The following PDE1C variants were observed in gnomAD, a reference collection of about 807,000 sequenced individuals.
The protein encoded by PDE1C is phosphodiesterase 1C.
A neutral mutation model predicts 93.1 loss-of-function variants in PDE1C; 62 were observed. That is an observed-to-expected ratio of 0.67 (90% CI 0.54 to 0.82). The LOEUF is 0.82. Ranked by LOEUF, PDE1C falls within the 40% of genes least tolerant of loss-of-function variation. The pLI is 0.00. For missense variants in PDE1C, 742 were observed against 884.6 expected (o/e 0.84, Z 2.04); for synonymous variants, 325 against 310.1 (o/e 1.05, Z -0.50).
At chr7:31,792,439 T>C in intron 16 of PDE1C, among the ~76,000 whole-genome samples, 1 of 152,068 alleles carries the variant, frequency 6.6e-6, no homozygotes, top group East Asian at 1.9e-4. Flanking sequence ...CCCTCCACCC[T>C]TTTTCTAATT....
At chr7:31,940,009 T>C (rs1019761985) in intron 2 of PDE1C, among the ~76,000 whole-genome samples, 5 of 152,140 alleles carry the variant, frequency 3.3e-5, no homozygotes, top group African/African-American at 1.2e-4. Flanking sequence ...TAGAGCAAAA[T>C]GTCAGATTAA....
intron 3 of PDE1C, among the ~76,000 whole-genome samples, chr7:32,147,984 T>TAAA (rs752433564): frequency 0.17 from 13,692 of 79,458 alleles, 1,840 homozygotes; most frequent in East Asian, 0.24. Flanking sequence ...CCATTTATGC[T>TAAA]AAAAAAAAAA....
intron 6 of PDE1C, among the ~76,000 whole-genome samples, chr7:31,872,458 A>T (rs763542419): frequency 6.6e-6 from 1 of 152,206 alleles, no homozygotes; most frequent in Non-Finnish European, 1.5e-5. Flanking sequence ...CTTGATCATT[A>T]CATAGTCTAT....
intron 2 of PDE1C, among the ~76,000 whole-genome samples, chr7:32,025,238 T>A (rs1021490962): frequency 2.0e-5 from 3 of 152,094 alleles, no homozygotes; most frequent in African/African-American, 7.2e-5. Context: ...CTTGTGTATA[T>A]AATTTACATT....
At position 31,800,957 on chromosome 7, in the gene PDE1C, A is replaced by G. The variant is rs186596845; in HGVS notation, c.1891+8074T>C. ...AGAAAGTATTTTGAGCTGAATGTGA[A>G]TGAAAATGCAGCATATCAGAGTTTG... On this transcript the variant is annotated intron_variant, in intron 16 of 17. Transcript: ENST00000396191. Among the ~76,000 whole-genome samples the G allele has an allele frequency of 5.8e-3, 881 of 151,342 alleles. 6 individuals carry two copies. The highest frequency in any genetic ancestry group is 0.02 in the African/African-American group (838 of 41,444).
chr7:32,105,672 G>A (rs1034592468), intron 3 of PDE1C, among the ~76,000 whole-genome samples: 3 of 151,376 alleles, frequency 2.0e-5, no homozygotes, highest in Admixed American at 6.6e-5. Flanking sequence ...CAAGCAGCTG[G>A]GACTACAGGG....
At chr7:32,229,932 GAGGCAGTGAGTGA>G (rs1392567479) in intron 1 of PDE1C, among the ~76,000 whole-genome samples, 1 of 152,216 alleles carries the variant, frequency 6.6e-6, no homozygotes, top group African/African-American at 2.4e-5. Context: ...ATTGTGAGTG[GAGGCAGTGAGTGA>G]AGGGTCACAA....
At chr7:31,641,941 C>T in the PDE1C span, among the ~76,000 whole-genome samples, 1 of 152,156 alleles carries the variant, frequency 6.6e-6, no homozygotes, top group Non-Finnish European at 1.5e-5. Flanking sequence ...ATTAGTTTCT[C>T]TTCCTTCGTT....
chr7:31,708,420 A>G, the PDE1C span: 64,808 of 152,132 alleles, frequency 0.43, 15,125 homozygotes, highest in East Asian at 0.68. Flanking sequence ...TGGAAAAGAT[A>G]CAAGAGCTTG....
At chr7:31,695,278 G>T in the PDE1C span, among the ~76,000 whole-genome samples, 2 of 152,062 alleles carry the variant, frequency 1.3e-5, no homozygotes, top group African/African-American at 2.4e-5. Flanking sequence ...TCTAGTTTTC[G>T]ATTTTGTTAT....
chr7:31,765,405 T>G (rs1022222287), intron 17 of PDE1C, among the ~76,000 whole-genome samples: 6 of 152,226 alleles, frequency 3.9e-5, no homozygotes, highest in Non-Finnish European at 7.3e-5. Context: ...ATGATTCTAG[T>G]TGTTTCAATG....
rs762643067 is a variant in PDE1C at position 31,939,838 on chromosome 7, A to C, written c.129-58978T>G. Reference sequence around the variant, plus strand: ...AATGAAGTCATCTAGAAAGATAAAGAATATTGGCAACTCCCAAAAAGCAGT... The same window carrying C: ...AATGAAGTCATCTAGAAAGATAAAGCATATTGGCAACTCCCAAAAAGCAGT... On this transcript the variant is annotated intron_variant, in intron 2 of 17. Transcript: ENST00000396191. Among the ~76,000 whole-genome samples, 47 of 152,198 alleles carry C rather than the reference A, an allele frequency of 3.1e-4. 1 individual carries two copies. The highest frequency in any genetic ancestry group is 2.4e-3 in the Admixed American group (37 of 15,278).
At chr7:31,651,149 T>G in the PDE1C span, 1 of 1,613,126 alleles carries the variant, frequency 6.2e-7, no homozygotes, top group Non-Finnish European at 8.5e-7. Flanking sequence ...CAGTGCACAG[T>G]CCATGAGATG....
At chr7:32,038,167 T>C (rs1417114054) in intron 2 of PDE1C, among the ~76,000 whole-genome samples, 3 of 152,034 alleles carry the variant, frequency 2.0e-5, no homozygotes, top group Non-Finnish European at 2.9e-5. Flanking sequence ...GATAAAAGGG[T>C]TGGATTTCTT....
chr7:32,208,748 G>C (rs887530728), intron 2 of PDE1C, among the ~76,000 whole-genome samples: 1 of 152,096 alleles, frequency 6.6e-6, no homozygotes, highest in Non-Finnish European at 1.5e-5. Flanking sequence ...TTTCGTTCCA[G>C]GAAGTGCATT....
intron 1 of PDE1C, among the ~76,000 whole-genome samples, chr7:32,385,988 G>A (rs954435388): frequency 2.4e-4 from 37 of 151,990 alleles, no homozygotes; most frequent in African/African-American, 8.7e-4. Context: ...CGATGGCCAA[G>A]CAGCTCTGGT....
chr7:32,054,445 C>G (rs1049926952), intron 1 of PDE1C, among the ~76,000 whole-genome samples: 1 of 152,136 alleles, frequency 6.6e-6, no homozygotes, highest in Non-Finnish European at 1.5e-5. Flanking sequence ...ATGTAAGAGG[C>G]ATTCTAAGAT....
chr7:32,281,052 A>G (rs995387128), intron 1 of PDE1C, among the ~76,000 whole-genome samples: 1 of 152,222 alleles, frequency 6.6e-6, no homozygotes, highest in African/African-American at 2.4e-5. Flanking sequence ...GTGTAACATT[A>G]GTATTATTAA....
At chr7:31,866,463 GTCTCCAGCATCC>G (rs997863294) in intron 6 of PDE1C, among the ~76,000 whole-genome samples, 2 of 152,236 alleles carry the variant, frequency 1.3e-5, no homozygotes, top group Admixed American at 1.3e-4. Context: ...TCCAAGGAAA[GTCTCCAGCATCC>G]TCTCCAGCAT....
Sources: gnomAD v4.1 joint callset for allele counts (sites outside exome capture counted in the v4.1 genomes callset) on GRCh38, gnomAD v4.1.1 for gene constraint, MANE v1.5 for transcripts, NCBI Gene and HGNC (gene_info 2026-07-23, HGNC 2026-07-21) for gene names.